The following SLC35E3 variants were observed in gnomAD, a reference collection of about 807,000 sequenced individuals.
SLC35E3 encodes the protein solute carrier family 35 member E3, also known as bladder cancer-overexpressed gene 1 protein.
A neutral mutation model predicts 30.8 loss-of-function variants in SLC35E3; 28 were observed. The ratio of observed to expected loss-of-function variants is 0.91; its 90% CI spans 0.67 to 1.25. The LOEUF (loss-of-function observed/expected upper bound fraction) is 1.25. Among genes scored for constraint, SLC35E3 ranks in the 50% most tolerant of loss-of-function variants. The probability of loss-of-function intolerance (pLI) is 0.00; values close to 1 mark genes in which losing one functional copy is unlikely to be tolerated. For missense variants in SLC35E3, 365 were observed against 375.4 expected (o/e 0.97, Z 0.23); for synonymous variants, 146 against 149.2 (o/e 0.98, Z 0.16).
Position 68,768,698 on chromosome 12 carries a change from G to A in SLC35E3, c.*3808G>A, listed in dbSNP as rs894637341. On this transcript the variant is annotated 3_prime_UTR_variant, in exon 5 of 5. Coordinates refer to ENST00000398004, the MANE Select transcript of SLC35E3 (RefSeq NM_018656.5). ...TTTTACTTCTGTATTGCATATGAGA[G>A]CTGATGGAAGAAGGATGGCATCTGT... The A allele has an allele frequency of 1.3e-5, 2 of 152,166 alleles. No homozygotes were observed. Among genetic ancestry groups the A allele is most frequent in the African/African-American group, 4.8e-5 (2 of 41,442 alleles). The allele number at this position is 152,166 out of a possible 1,614,324, so 9.4% of individuals were successfully genotyped here.
At chr12:68,751,960 C>G in intron 2 of SLC35E3, 72 bp from the exon 3 acceptor site, 1 of 1,408,806 alleles carries the variant, frequency 7.1e-7, no homozygotes, top group Non-Finnish European at 9.6e-7. Flanking sequence ...CTTTGTGACT[C>G]TAGTTGTCGC....
At position 68,775,860 on chromosome 12, in the gene SLC35E3, A is replaced by G. The variant is rs528254473; in HGVS notation, c.*10970A>G. 2 of 141,226 alleles carry G rather than the reference A, an allele frequency of 1.4e-5. No homozygotes were observed. Among genetic ancestry groups the G allele is most frequent in the East Asian group, 4.7e-4 (2 of 4,218 alleles). 8.7% of individuals were successfully genotyped at this position (141,226 alleles called of 1,614,324 possible). The stretch of plus-strand genomic sequence containing the variant: ...CTGCTCAGGAGGCTGAGGCAGGAGA[A>G]TGGCTTGAACCCGAGAGGCAGAGGT... On this transcript the variant is annotated 3_prime_UTR_variant, in exon 5 of 5. Coordinates refer to ENST00000398004, the MANE Select transcript of SLC35E3 (RefSeq NM_018656.5).
intron 4 of SLC35E3, among the ~76,000 whole-genome samples, chr12:68,759,514 G>A (rs1009496384): frequency 6.6e-6 from 1 of 152,092 alleles, no homozygotes; most frequent in African/African-American, 2.4e-5. Flanking sequence ...GACCAGCCTG[G>A]ATAACATGGT....
At position 68,764,765 on chromosome 12, in the gene SLC35E3, A is replaced by G. The variant is rs371136982; in HGVS notation, c.817A>G (p.Lys273Glu). 6.2e-7 allele frequency: 1 copy of G among 1,614,012 alleles called. No individual in the cohort carries two copies. Among genetic ancestry groups the G allele is most frequent in the Non-Finnish European group, 8.5e-7 (1 of 1,180,024 alleles). Residue 273 changes from lysine (K) to glutamate (E), a missense_variant, in exon 5 of 5, where the codon AAG (lysine) becomes GAG (glutamate). Lys to Glu is a moderately conservative substitution (Grantham distance 56). Transcript: ENST00000398004. Reference sequence around the variant, plus strand: ...TTTATTCGGAGGATATGTTTTATTTAAGGATCCACTGTCCATTAATCAGGC... The same window carrying G: ...TTTATTCGGAGGATATGTTTTATTTGAGGATCCACTGTCCATTAATCAGGC... The part of the protein sequence containing the change: ...ITLFGGYVLF[K>E]DPLSINQALG...
chr12:68,756,870 C>T (rs1879033169), intron 3 of SLC35E3, among the ~76,000 whole-genome samples: 1 of 152,156 alleles, frequency 6.6e-6, no homozygotes, highest in African/African-American at 2.4e-5. Context: ...ACAAAATTAG[C>T]TGGGCGTGGT....
chr12:68,747,719 A>G (rs1878646451), intron 1 of SLC35E3, among the ~76,000 whole-genome samples: 1 of 152,268 alleles, frequency 6.6e-6, no homozygotes, highest in Non-Finnish European at 1.5e-5. Context: ...ATGGAATTAA[A>G]TGTGAATATC....
chr12:68,764,733 G>T lies in SLC35E3; in HGVS notation c.785G>T (p.Cys262Phe). ...AACATGTTCGGACACTTCAAGTTCT[G>T]CATTACTTTATTCGGAGGATATGTT... Reference protein sequence around the residue: ...TYNMFGHFKFCITLFGGYVLF... With the variant: ...TYNMFGHFKFFITLFGGYVLF... The change falls in exon 5 of 5, where the codon TGC (cysteine) becomes TTC (phenylalanine). Residue 262 changes from cysteine to phenylalanine, a missense_variant. Cys to Phe is a radical substitution (Grantham distance 205). Transcript: ENST00000398004. The T allele has an allele frequency of 6.2e-7, 1 of 1,613,990 alleles. No homozygotes were observed. Among genetic ancestry groups the T allele is most frequent in the East Asian group, 2.2e-5 (1 of 44,872 alleles).
chr12:68,753,938 G>A (rs1437016966), intron 3 of SLC35E3, among the ~76,000 whole-genome samples: 3 of 151,524 alleles, frequency 2.0e-5, no homozygotes, highest in South Asian at 2.1e-4. Context: ...TGCAAACTCC[G>A]CCTCCCGGGT....
chr12:68,762,346 G>T (rs1015691519), intron 4 of SLC35E3, among the ~76,000 whole-genome samples: 6 of 152,166 alleles, frequency 3.9e-5, no homozygotes, highest in Non-Finnish European at 8.8e-5. Context: ...GGATGAGAAG[G>T]AGCAGTCAGA....
intron 4 of SLC35E3, among the ~76,000 whole-genome samples, chr12:68,762,664 T>C (rs1565717394): frequency 6.6e-6 from 1 of 152,166 alleles, no homozygotes; most frequent in Non-Finnish European, 1.5e-5. Context: ...CCTTCTCGTA[T>C]AAATATACTT....
chr12:68,756,158 T>C (rs1225633186), intron 3 of SLC35E3, among the ~76,000 whole-genome samples: 1 of 152,120 alleles, frequency 6.6e-6, no homozygotes, highest in African/African-American at 2.4e-5. Flanking sequence ...TCAGATAATA[T>C]TTCCACTTTG....
At chr12:68,749,955 A>G (rs893778194) in intron 2 of SLC35E3, among the ~76,000 whole-genome samples, 1 of 152,150 alleles carries the variant, frequency 6.6e-6, no homozygotes, top group Admixed American at 6.5e-5. Context: ...CTGTCTTTAG[A>G]AAAGTAACTG....
chr12:68,753,834 A>C (rs79069903), intron 3 of SLC35E3, among the ~76,000 whole-genome samples: 21 of 147,930 alleles, frequency 1.4e-4, no homozygotes, highest in African/African-American at 5.2e-4. Context: ...ACACACACAC[A>C]CCCCAATTAA....
intron 4 of SLC35E3, 55 bp from the exon 5 acceptor site, chr12:68,764,649 G>A (rs1879323061): frequency 3.9e-6 from 6 of 1,552,308 alleles, no homozygotes; most frequent in Non-Finnish European, 5.3e-6. Context: ...GAGTGTGTGT[G>A]TAAATATTAA....
At chr12:68,747,596 G>A (rs73334627) in intron 1 of SLC35E3, among the ~76,000 whole-genome samples, 7,631 of 152,116 alleles carry the variant, frequency 0.05, 637 homozygotes, top group African/African-American at 0.17. Flanking sequence ...TGCTTTTATT[G>A]TTTTATATTT....
chr12:68,764,737 T>A lies in SLC35E3; in HGVS notation c.789T>A (p.Ile263=), dbSNP rs1879326633. 6.2e-7 allele frequency: 1 copy of A among 1,614,028 alleles called. No homozygotes were observed. Among genetic ancestry groups the A allele is most frequent in the Non-Finnish European group, 8.5e-7 (1 of 1,180,028 alleles). Residue 263 remains isoleucine (I), a synonymous_variant, in exon 5 of 5, where the codon ATT becomes ATA. Transcript: ENST00000398004. ...TGTTCGGACACTTCAAGTTCTGCAT[T>A]ACTTTATTCGGAGGATATGTTTTAT... The part of the protein sequence containing the change: ...YNMFGHFKFC[I]TLFGGYVLFK...
chr12:68,750,085 G>A (rs961369364), intron 2 of SLC35E3, among the ~76,000 whole-genome samples: 5 of 152,112 alleles, frequency 3.3e-5, no homozygotes, highest in African/African-American at 1.2e-4. Flanking sequence ...AATGGACAGG[G>A]AAAGGTTAAA....
rs1879861353 is a variant in SLC35E3 at position 68,780,637 on chromosome 12, A to C, written c.*15747A>C. 6.6e-6 allele frequency: 1 copy of C among 152,486 alleles called. No homozygotes were observed. 9.4% of individuals were successfully genotyped at this position (152,486 alleles called of 1,614,324 possible). On this transcript the variant is annotated 3_prime_UTR_variant, in exon 5 of 5. Coordinates refer to ENST00000398004, the MANE Select transcript of SLC35E3 (RefSeq NM_018656.5). ...CAAGTAGCTGGGATTATAGGCATGC[A>C]CCACTATGCCCGGCTAATTTTGTAT...
At chr12:68,752,743 T>C (rs1592536265) in intron 3 of SLC35E3, among the ~76,000 whole-genome samples, 2 of 152,040 alleles carry the variant, frequency 1.3e-5, no homozygotes, top group East Asian at 3.9e-4. Context: ...TGGTGGCTCA[T>C]GCCTGTAATC....
Sources: gnomAD v4.1 joint callset for allele counts (sites outside exome capture counted in the v4.1 genomes callset) on GRCh38, gnomAD v4.1.1 for gene constraint, MANE v1.5 for transcripts, NCBI Gene and HGNC (gene_info 2026-07-23, HGNC 2026-07-21) for gene names.